WDR25: variants seen among roughly 807,000 people sequenced by gnomAD.
WDR25 encodes the protein WD repeat domain 25.
In WDR25, 35 loss-of-function variants were observed where a neutral mutation model predicts 47.7. The ratio of observed to expected loss-of-function variants is 0.73; its 90% CI spans 0.56 to 0.97. The LOEUF is 0.97. Ranked by LOEUF, WDR25 falls within the 50% of genes least tolerant of loss-of-function variation. WDR25 has a pLI of 0.00. For synonymous variants in WDR25, 248 were observed against 278.9 expected, an observed-to-expected ratio of 0.89 and a Z score of 1.10; for missense variants, 634 against 704.7, an observed-to-expected ratio of 0.90 and a Z score of 1.14.
At chr14:100,381,840 T>C (rs1396004934) in intron 2 of WDR25, 94 bp downstream of exon 2, 21 of 1,046,806 alleles carry the variant, frequency 2.0e-5, no homozygotes, top group Non-Finnish European at 2.9e-5. Flanking sequence ...GGCTGAACTT[T>C]TTTTTGTGTG....
At position 100,529,266 on chromosome 14, in the gene WDR25, AG is replaced by A. The variant is rs2030349989; in HGVS notation, c.1413+59del. 2 of 1,606,288 alleles carry A rather than the reference AG, an allele frequency of 1.2e-6. No homozygotes were observed. Among genetic ancestry groups the A allele is most frequent in the East Asian group, 4.5e-5 (2 of 44,726 alleles). On this transcript the variant is annotated intron_variant, in intron 6 of 6. Transcript: ENST00000402312. This position sits in a 1 kb window ranked among gnomAD's most constrained non-coding sequence, Gnocchi z 5.1. ...GAGCCCCAGCCCCAAGCCTCCTGGC[AG>A]TCCTGGACATGGGCCCTGGGGTGCA...
chr14:100,431,630 T>C (rs1188227579), intron 2 of WDR25, among the ~76,000 whole-genome samples: 1 of 151,478 alleles, frequency 6.6e-6, no homozygotes, highest in Non-Finnish European at 1.5e-5. Context: ...CACTGCAACC[T>C]CCGACTCTGG....
chr14:100,485,036 G>GT (rs1211618285), intron 4 of WDR25, among the ~76,000 whole-genome samples: 1 of 152,166 alleles, frequency 6.6e-6, no homozygotes, highest in African/African-American at 2.4e-5. Flanking sequence ...TGGCCTGGGG[G>GT]TAGGTCAGCA....
intron 2 of WDR25, among the ~76,000 whole-genome samples, chr14:100,388,569 T>G (rs1897069663): frequency 6.6e-6 from 1 of 152,196 alleles, no homozygotes; most frequent in African/African-American, 2.4e-5. Context: ...GCCATGAGAT[T>G]CTGAGCTGGA....
At chr14:100,497,004 T>G (rs927368273) in intron 4 of WDR25, among the ~76,000 whole-genome samples, 17 of 152,202 alleles carry the variant, frequency 1.1e-4, no homozygotes, top group African/African-American at 3.6e-4. Flanking sequence ...CCTGGCTAAT[T>G]TTTGTATTTA....
rs1024112198 is a variant in WDR25, at chr14:100,523,302, C to T, written c.1102-2568C>T. Among the ~76,000 whole-genome samples, 3 of 152,154 alleles carry T rather than the reference C, an allele frequency of 2.0e-5. No individual in the cohort carries two copies. The highest frequency in any genetic ancestry group is 7.2e-5 in the African/African-American group (3 of 41,430). ...GTGCCAGGAGCTCACAGTCCTGTGG[C>T]GTAGGCAGGTGGCTGATGTGGGCAG... On this transcript the variant is annotated intron_variant, in intron 4 of 6. Transcript: ENST00000402312. This position sits in a 1 kb window ranked among gnomAD's most constrained non-coding sequence, Gnocchi z 4.7.
intron 2 of WDR25, among the ~76,000 whole-genome samples, chr14:100,452,479 G>A (rs781545426): frequency 3.3e-5 from 5 of 152,132 alleles, no homozygotes; most frequent in Non-Finnish European, 4.4e-5. Flanking sequence ...TGTTTAGATC[G>A]TGTGGTTCAG....
At chr14:100,501,213 C>T (rs760295902) in intron 4 of WDR25, among the ~76,000 whole-genome samples, 3 of 142,678 alleles carry the variant, frequency 2.1e-5, no homozygotes, top group South Asian at 2.1e-4. Context: ...GTGCAGCTGG[C>T]GAGCCCAACT....
chr14:100,490,942 G>T (rs1900541848), intron 4 of WDR25, among the ~76,000 whole-genome samples: 1 of 152,228 alleles, frequency 6.6e-6, no homozygotes, highest in Non-Finnish European at 1.5e-5. Context: ...AAGCTTTGCT[G>T]CAAGCTAAAC....
rs139737611 is a variant in WDR25, at chr14:100,522,451, G to A, written c.1102-3419G>A. On this transcript the variant is annotated intron_variant, in intron 4 of 6. Coordinates refer to ENST00000402312, the MANE Select transcript of WDR25 (RefSeq NM_001161476.3). ...TGTGATTGGCGACTTCTGCTTTTGC[G>A]ACTTTAAACCAAAGCAGTGGGTCCT... Among the ~76,000 whole-genome samples, 704 of 152,240 alleles carry A rather than the reference G, an allele frequency of 4.6e-3. 3 individuals are homozygous for A. Among genetic ancestry groups the A allele is most frequent in the Non-Finnish European group, 6.4e-3 (437 of 68,022 alleles).
At chr14:100,414,433 C>T (rs1345362699) in intron 2 of WDR25, among the ~76,000 whole-genome samples, 1 of 151,614 alleles carries the variant, frequency 6.6e-6, no homozygotes, top group Non-Finnish European at 1.5e-5. Flanking sequence ...CTGTCTCAGC[C>T]TCCCGAGTAG....
intron 2 of WDR25, among the ~76,000 whole-genome samples, chr14:100,438,285 G>T (rs1898561464): frequency 1.3e-5 from 2 of 152,160 alleles, no homozygotes; most frequent in South Asian, 4.1e-4. Flanking sequence ...CAATTTCTTT[G>T]TGATTTGACA....
rs1244741908 is a variant in WDR25 at position 100,381,776 on chromosome 14, A to G, written c.822+30A>G. ...GACTTGAATGAAAACTTCTGCTTTCAGATGCTCTTAGGAATACACTGCTGG... is the reference window on the plus strand; with the variant it reads ...GACTTGAATGAAAACTTCTGCTTTCGGATGCTCTTAGGAATACACTGCTGG... On this transcript the variant is annotated intron_variant, in intron 2 of 6. Transcript: ENST00000402312. The G allele has an allele frequency of 2.0e-6, 3 of 1,532,562 alleles. No homozygotes were observed. In the East Asian group the frequency reaches 6.8e-5, roughly 35 times the overall value. 94.9% of individuals were successfully genotyped at this position (1,532,562 alleles called of 1,614,324 possible).
At chr14:100,519,160 C>T (rs893410502) in intron 4 of WDR25, among the ~76,000 whole-genome samples, 3 of 151,930 alleles carry the variant, frequency 2.0e-5, no homozygotes, top group African/African-American at 7.3e-5. Flanking sequence ...ATTTTGACTT[C>T]CTTTCCCAAC....
chr14:100,475,920 ATTAAT>A (rs1293290372), intron 3 of WDR25, among the ~76,000 whole-genome samples: 2 of 152,060 alleles, frequency 1.3e-5, no homozygotes, highest in African/African-American at 2.4e-5. Flanking sequence ...ATCAATTAAA[ATTAAT>A]TTAAAATGAA....
rs7141382 is a variant in WDR25, at chr14:100,430,807, G to A, written c.823-37214G>A. On this transcript the variant is annotated intron_variant, in intron 2 of 6. Transcript: ENST00000402312. The surrounding 1 kb of genome is among the most constrained non-coding windows in gnomAD (Gnocchi z 4.7). ...GCTTCGTGCTCCCCAGCCTGGCAAC[G>A]TGGACATTTCTGGCTGTCGAGAAGG... is the stretch of plus-strand genomic sequence containing the variant. Among the ~76,000 whole-genome samples the A allele has an allele frequency of 4.7e-4, 72 of 152,328 alleles. No homozygotes were observed. Among genetic ancestry groups the A allele is most frequent in the Non-Finnish European group, 9.4e-4 (64 of 68,036 alleles).
At chr14:100,485,001 T>C (rs184018177) in intron 4 of WDR25, among the ~76,000 whole-genome samples, 33 of 152,320 alleles carry the variant, frequency 2.2e-4, no homozygotes, top group Non-Finnish European at 3.4e-4. Context: ...TCTCTGATGA[T>C]CCACAAGGCC....
intron 2 of WDR25, among the ~76,000 whole-genome samples, chr14:100,387,163 G>A (rs1407590789): frequency 6.6e-6 from 1 of 151,940 alleles, no homozygotes; most frequent in African/African-American, 2.4e-5. Context: ...GAAATGAGAA[G>A]ATCCAGCCTA....
intron 2 of WDR25, among the ~76,000 whole-genome samples, chr14:100,417,527 C>G (rs768829820): frequency 6.6e-6 from 1 of 152,198 alleles, no homozygotes; most frequent in Admixed American, 6.5e-5. Context: ...GCCACTCTTC[C>G]CTGGTGGCTC....
Sources: allele counts gnomAD v4.1 joint callset (sites outside exome capture counted in the v4.1 genomes callset), GRCh38; gene constraint gnomAD v4.1.1; non-coding constraint Gnocchi (gnomAD v3.1); transcripts MANE v1.5; gene names NCBI Gene and HGNC (gene_info 2026-07-23, HGNC 2026-07-21).